The following COG5 variants were observed in gnomAD, a reference collection of about 807,000 sequenced individuals.
COG5 encodes component of oligomeric golgi complex 5, also known as conserved oligomeric Golgi complex subunit 5.
In COG5, 86 loss-of-function variants were observed where a neutral mutation model predicts 110.4. The observed-to-expected ratio is 0.78, with a 90% CI of 0.65 to 0.93. The LOEUF (loss-of-function observed/expected upper bound fraction) is 0.93. COG5 is among the 40% of genes least tolerant of loss of function. The pLI is 0.00. For missense variants in COG5, 1,077 were observed against 987.0 expected (o/e 1.09, Z -1.22); for synonymous variants, 360 against 334.6 (o/e 1.08, Z -0.83).
At chr7:107,501,024 T>A (rs1250426913) in intron 6 of COG5, among the ~76,000 whole-genome samples, 2 of 152,134 alleles carry the variant, frequency 1.3e-5, no homozygotes, top group African/African-American at 2.4e-5. Flanking sequence ...CTGGCTTTTC[T>A]ATATATAAAG....
chr7:107,474,991 G>C lies in COG5; in HGVS notation c.538+52246C>G. The C allele has an allele frequency of 6.2e-7, 1 of 1,612,574 alleles. No homozygotes were observed. The highest frequency in any genetic ancestry group is 8.5e-7 in the Non-Finnish European group (1 of 1,179,208). On this transcript the variant is annotated intron_variant, in intron 6 of 21. Transcript: ENST00000297135. The surrounding 1 kb of genome is among the most constrained non-coding windows in gnomAD (Gnocchi z 5.7). ...TGAACGACGAGAAAGACAAAAGAGA[G>C]TCTTCAGGATGTCTTTATTGATTAT...
intron 6 of COG5, chr7:107,470,070 A>G (rs1563053034): frequency 2.0e-5 from 3 of 152,198 alleles, no homozygotes; most frequent in Admixed American, 1.3e-4. Flanking sequence ...ATTCTGCAAA[A>G]GCTGCCCGAA....
At chr7:107,224,250 C>T (rs1426380928) in intron 19 of COG5, among the ~76,000 whole-genome samples, 2 of 152,204 alleles carry the variant, frequency 1.3e-5, no homozygotes, top group Non-Finnish European at 2.9e-5. Context: ...GGCCTTCTTT[C>T]AGTTCTATAA....
intron 21 of COG5, chr7:107,209,035 G>A (rs1010366294): frequency 2.0e-6 from 2 of 981,212 alleles, no homozygotes; most frequent in Non-Finnish European, 2.4e-6. Context: ...TGGGCACTAG[G>A]AATTTTCCAA....
chr7:107,227,277 G>A (rs1288354320), intron 19 of COG5, among the ~76,000 whole-genome samples: 1 of 152,124 alleles, frequency 6.6e-6, no homozygotes, highest in African/African-American at 2.4e-5. Flanking sequence ...GGGTGTCCAT[G>A]TATATGTATA....
rs144586017 is a variant in COG5, at chr7:107,440,016, C to G, written c.539-27384G>C. Among the ~76,000 whole-genome samples the G allele has an allele frequency of 1.6e-3, 249 of 152,242 alleles. 1 individual carries two copies. The highest frequency in any genetic ancestry group is 5.6e-3 in the African/African-American group (234 of 41,544). On this transcript the variant is annotated intron_variant, in intron 6 of 21. Transcript: ENST00000297135. Reference sequence around the variant, plus strand: ...CCAACATCCTCCATGAATTTCTTGACTAATATATCACTGGGTAGTGGAAAG... The same window carrying G: ...CCAACATCCTCCATGAATTTCTTGAGTAATATATCACTGGGTAGTGGAAAG...
chr7:107,448,624 C>G (rs1563041377), intron 6 of COG5, among the ~76,000 whole-genome samples: 4 of 151,770 alleles, frequency 2.6e-5, no homozygotes, highest in African/African-American at 9.7e-5. Flanking sequence ...TCCAGGACTT[C>G]AAATCCACAT....
chr7:107,419,150 A>G (rs1793092530), intron 6 of COG5, among the ~76,000 whole-genome samples: 1 of 152,204 alleles, frequency 6.6e-6, no homozygotes, highest in African/African-American at 2.4e-5. Context: ...GGTGTAATAT[A>G]ATTGAAAACA....
At chr7:107,510,714 C>G (rs1184378348) in intron 6 of COG5, among the ~76,000 whole-genome samples, 1 of 152,192 alleles carries the variant, frequency 6.6e-6, no homozygotes, top group Non-Finnish European at 1.5e-5. Flanking sequence ...ACAGTGCAAT[C>G]AAACTAGAAC....
chr7:107,327,229 A>G (rs1809851101), intron 10 of COG5, among the ~76,000 whole-genome samples: 1 of 152,150 alleles, frequency 6.6e-6, no homozygotes, highest in Admixed American at 6.6e-5. Context: ...TGCTGGGAAA[A>G]CTGGATATAC....
At chr7:107,411,133 T>A (rs547506216) in intron 7 of COG5, among the ~76,000 whole-genome samples, 10 of 152,166 alleles carry the variant, frequency 6.6e-5, no homozygotes, top group Non-Finnish European at 1.5e-4. Flanking sequence ...CAATATGTTA[T>A]AGAAAATAAA....
At chr7:107,516,203 T>C (rs1179508389) in intron 6 of COG5, among the ~76,000 whole-genome samples, 1 of 152,210 alleles carries the variant, frequency 6.6e-6, no homozygotes, top group East Asian at 1.9e-4. Flanking sequence ...TAGTATACTT[T>C]TCATTTTCAT....
chr7:107,292,264 C>T (rs538333147), intron 12 of COG5, among the ~76,000 whole-genome samples: 114 of 152,278 alleles, frequency 7.5e-4, no homozygotes, highest in African/African-American at 2.6e-3. Flanking sequence ...AACTCCTGGG[C>T]TCAAGCCATC....
chr7:107,289,514 T>C (rs1027176635), intron 12 of COG5, among the ~76,000 whole-genome samples: 1 of 152,196 alleles, frequency 6.6e-6, no homozygotes, highest in Non-Finnish European at 1.5e-5. Context: ...TTAGAAGCAC[T>C]TGTTACTTTT....
At chr7:107,540,717 T>C (rs1801919225) in intron 5 of COG5, among the ~76,000 whole-genome samples, 1 of 150,810 alleles carries the variant, frequency 6.6e-6, no homozygotes, top group Non-Finnish European at 1.5e-5. Flanking sequence ...ACCCTAAACA[T>C]AAAATACACA....
At chr7:107,228,260 T>C (rs1800507933) in intron 19 of COG5, among the ~76,000 whole-genome samples, 2 of 140,654 alleles carry the variant, frequency 1.4e-5, no homozygotes, top group African/African-American at 5.5e-5. Flanking sequence ...GAGATGGAGA[T>C]CGCACCACTG....
chr7:107,530,544 T>C (rs1470957393), intron 5 of COG5, among the ~76,000 whole-genome samples: 1 of 136,278 alleles, frequency 7.3e-6, no homozygotes, highest in Non-Finnish European at 1.5e-5. Context: ...GAGGTTGCGA[T>C]GAGCCGAGAT....
chr7:107,383,746 T>G (rs1452096130), intron 7 of COG5, among the ~76,000 whole-genome samples: 1 of 152,178 alleles, frequency 6.6e-6, no homozygotes, highest in East Asian at 1.9e-4. Context: ...CTGTACCCCT[T>G]TCTAATGCAT....
Position 107,298,670 on chromosome 7 carries a change from G to A in COG5, c.1109-324C>T, listed in dbSNP as rs117648873. ...AAATCGGGACAGAAAACTGGACAGC[G>A]CTAACACCCAATTGACTTAATAATT... On this transcript the variant is annotated intron_variant, in intron 11 of 21. Transcript: ENST00000297135. 1.3e-3 allele frequency among the ~76,000 whole-genome samples: 197 copies of A among 152,260 alleles called. 4 individuals carry two copies. The East Asian group carries it at 0.025, about 20-fold the overall frequency.
Sources: gnomAD v4.1 joint callset for allele counts (sites outside exome capture counted in the v4.1 genomes callset) on GRCh38, gnomAD v4.1.1 for gene constraint, Gnocchi (gnomAD v3.1) non-coding constraint, MANE v1.5 for transcripts, NCBI Gene and HGNC (gene_info 2026-07-23, HGNC 2026-07-21) for gene names.